The following ASIC5 variants were observed in gnomAD, a reference collection of about 807,000 sequenced individuals.
The protein encoded by ASIC5 is bile acid-sensitive ion channel.
In ASIC5, 52 loss-of-function variants were observed where a neutral mutation model predicts 51.2. The observed-to-expected ratio is 1.02, with a 90% CI of 0.81 to 1.28. ASIC5 has a LOEUF of 1.28. ASIC5 is among the 50% of genes most tolerant of loss of function. The probability of loss-of-function intolerance (pLI) is 0.00; values close to 1 mark genes in which losing one functional copy is unlikely to be tolerated. For synonymous variants in ASIC5, 231 were observed against 200.7 expected (o/e 1.15, Z -1.28); for missense variants, 635 against 595.0 (o/e 1.07, Z -0.70).
intron 4 of ASIC5, among the ~76,000 whole-genome samples, chr4:155,844,779 G>A (rs150341070): frequency 1.3e-5 from 2 of 152,000 alleles, no homozygotes; most frequent in Admixed American, 1.3e-4. Context: ...GGGGTGTCTG[G>A]GAGGAATGCT....
chr4:155,841,160 T>A (rs1187770110), intron 6 of ASIC5, among the ~76,000 whole-genome samples: 19 of 152,110 alleles, frequency 1.2e-4, no homozygotes, highest in Non-Finnish European at 1.5e-5. Flanking sequence ...CTATTGCAAT[T>A]CCTTTGTCTT....
chr4:155,858,800 T>C (rs1412311885), intron 2 of ASIC5: 1 of 152,128 alleles, frequency 6.6e-6, no homozygotes, highest in African/African-American at 2.4e-5. Flanking sequence ...AGTAGAATAG[T>C]CAACTATGTG....
intron 4 of ASIC5, among the ~76,000 whole-genome samples, chr4:155,848,608 T>C (rs1297031896): frequency 6.6e-6 from 1 of 152,086 alleles, no homozygotes; most frequent in Non-Finnish European, 1.5e-5. Context: ...ATGTCTGCCC[T>C]AAAACCTTTT....
At chr4:155,853,830 T>C (rs1342234274) in intron 3 of ASIC5, among the ~76,000 whole-genome samples, 1 of 151,918 alleles carries the variant, frequency 6.6e-6, no homozygotes, top group Non-Finnish European at 1.5e-5. Flanking sequence ...TTGGAAGGAC[T>C]ATACTACAAG....
chr4:155,859,450 C>T (rs1413910170), intron 2 of ASIC5, among the ~76,000 whole-genome samples: 2 of 151,736 alleles, frequency 1.3e-5, no homozygotes, highest in African/African-American at 4.8e-5. Flanking sequence ...GTCCTGGTAC[C>T]AATTGTGAAA....
rs1221446077 is a variant in ASIC5 at position 155,854,215 on chromosome 4, A to G, written c.447T>C (p.Thr149=). Residue 149 remains threonine (T), a synonymous_variant, in exon 3 of 10, where the codon ACT becomes ACC. Coordinates refer to ENST00000537611, the MANE Select transcript of ASIC5 (RefSeq NM_017419.3). ...LHLQEITANS[T]GSREATDFAA... ...CAAAATCAGTAGCCTCTCTAGAGCC[A>G]GTGGAATTGGCAGTAATTTCTTGAA... 2 of 1,613,244 alleles carry G rather than the reference A, an allele frequency of 1.2e-6. No homozygotes were observed. The highest frequency in any genetic ancestry group is 2.7e-5 in the African/African-American group (2 of 74,858).
intron 2 of ASIC5, among the ~76,000 whole-genome samples, chr4:155,860,494 G>T (rs914794563): frequency 5.9e-5 from 9 of 151,926 alleles, no homozygotes; most frequent in African/African-American, 1.9e-4. Context: ...GCTGAGCAAT[G>T]CTGAGTATAA....
intron 4 of ASIC5, among the ~76,000 whole-genome samples, chr4:155,847,970 A>G (rs2111247909): frequency 6.6e-6 from 1 of 152,236 alleles, no homozygotes; most frequent in South Asian, 2.1e-4. Context: ...TTGAAGCATT[A>G]ACTAACTCCT....
chr4:155,832,389 G>A (rs58799091), intron 8 of ASIC5, among the ~76,000 whole-genome samples: 9,347 of 152,178 alleles, frequency 0.061, 359 homozygotes, highest in South Asian at 0.16. Context: ...AGAGCCTGAC[G>A]TATATTGGGT....
rs140735742 is a variant in ASIC5 at position 155,863,606 on chromosome 4, C to A, written c.189G>T (p.Val63=). ...IVQNRSKIRR[V]LWLVVVLGSV... ...AGCCCAGAACCACCACCAACCAGAGCACCCTGCGAATTTTGCTCCGGTTCT... is the reference window on the plus strand; with the variant it reads ...AGCCCAGAACCACCACCAACCAGAGAACCCTGCGAATTTTGCTCCGGTTCT... Residue 63 remains valine (V), a synonymous_variant, in exon 2 of 10, where the codon GTG becomes GTT. Coordinates refer to ENST00000537611, the MANE Select transcript of ASIC5 (RefSeq NM_017419.3). The A allele has an allele frequency of 6.2e-7, 1 of 1,613,782 alleles. No homozygotes were observed. The highest frequency in any genetic ancestry group is 8.5e-7 in the Non-Finnish European group (1 of 1,179,918).
chr4:155,847,988 G>A (rs1741295886), intron 4 of ASIC5, among the ~76,000 whole-genome samples: 1 of 151,938 alleles, frequency 6.6e-6, no homozygotes, highest in Non-Finnish European at 1.5e-5. Context: ...CCTTAATAAA[G>A]ATCATAAAGG....
At chr4:155,843,953 T>C in intron 4 of ASIC5, 123 bp from the exon 5 acceptor site, 1 of 884,818 alleles carries the variant, frequency 1.1e-6, no homozygotes, top group East Asian at 2.6e-5. Context: ...TTATGTTATA[T>C]TTCTATCTCT....
chr4:155,865,092 G>T (rs1316796381), intron 1 of ASIC5: 1 of 151,648 alleles, frequency 6.6e-6, no homozygotes, highest in Non-Finnish European at 1.5e-5. Context: ...GCTATAAAAA[G>T]GTGTCTATTA....
intron 4 of ASIC5, among the ~76,000 whole-genome samples, chr4:155,849,294 G>A (rs76578271): frequency 0.058 from 8,799 of 152,006 alleles, 867 homozygotes; most frequent in African/African-American, 0.2. Context: ...CTCGAGTGGC[G>A]AGGAGATTCA....
At chr4:155,850,676 G>T (rs891117131) in intron 4 of ASIC5, among the ~76,000 whole-genome samples, 2 of 151,946 alleles carry the variant, frequency 1.3e-5, no homozygotes, top group African/African-American at 4.8e-5. Context: ...CCTTTTAGTT[G>T]CTTCCCTCTT....
In ASIC5 at chr4:155,863,672, A is replaced by C. The variant is rs748519267; in HGVS notation, c.123T>G (p.Phe41Leu). 8 of 1,613,966 alleles carry C rather than the reference A, an allele frequency of 5.0e-6. No individual in the cohort carries two copies. The highest frequency in any genetic ancestry group is 6.8e-6 in the Non-Finnish European group (8 of 1,179,916). ...PTERKKFDHDFAISTSFHGIH... is the reference protein window; with the variant it reads ...PTERKKFDHDLAISTSFHGIH... ...TCCCATGAAAGGAAGTGGAGATGGC[A>C]AAGTCATGGTCAAACTTCTTTCGCT... Residue 41 changes from phenylalanine (F) to leucine (L), a missense_variant, in exon 2 of 10, where the codon TTT becomes TTG. Coordinates refer to ENST00000537611, the MANE Select transcript of ASIC5 (RefSeq NM_017419.3).
Position 155,863,580 on chromosome 4 carries a change from G to A in ASIC5, c.215C>T (p.Ser72Leu). ...GATCTGCCATGTCACAAGTGAGACT[G>A]AGCCCAGAACCACCACCAACCAGAG... ...RVLWLVVVLGSVSLVTWQIYI... is the reference protein window; with the variant it reads ...RVLWLVVVLGLVSLVTWQIYI... Residue 72 changes from serine (S) to leucine (L), a missense_variant, in exon 2 of 10, where the codon TCA becomes TTA. Transcript: ENST00000537611. 3.1e-6 allele frequency: 5 copies of A among 1,613,688 alleles called. No individual in the cohort carries two copies. The highest frequency in any genetic ancestry group is 4.2e-6 in the Non-Finnish European group (5 of 1,179,868).
chr4:155,838,741 G>T, intron 7 of ASIC5, 72 bp downstream of exon 7: 2 of 892,134 alleles, frequency 2.2e-6, no homozygotes, highest in Non-Finnish European at 1.8e-6. Context: ...TCCATAGTTT[G>T]ACTTAATGTC....
chr4:155,849,859 C>T (rs961413025), intron 4 of ASIC5, among the ~76,000 whole-genome samples: 3 of 152,050 alleles, frequency 2.0e-5, no homozygotes, highest in African/African-American at 7.2e-5. Flanking sequence ...ACTTTTCATA[C>T]CTGCCTACTG....
Sources: gnomAD v4.1 joint callset for allele counts (sites outside exome capture counted in the v4.1 genomes callset) on GRCh38, gnomAD v4.1.1 for gene constraint, MANE v1.5 for transcripts, NCBI Gene and HGNC (gene_info 2026-07-23, HGNC 2026-07-21) for gene names.